Variants in RPS3 observed in about 807,000 individuals in gnomAD.
RPS3 encodes ribosomal protein S3.
Under a neutral mutation model 25.8 loss-of-function variants are expected in RPS3, and 2 were observed. The observed-to-expected ratio is 0.08, with a 90% CI of 0.03 to 0.24. The LOEUF (loss-of-function observed/expected upper bound fraction) is 0.24. RPS3 is among the 10% of genes least tolerant of loss of function. The pLI is 1.00. For missense variants in RPS3, 107 were observed against 307.1 expected, an observed-to-expected ratio of 0.35 and a Z score of 4.87; for synonymous variants, 114 against 114.2, an observed-to-expected ratio of 1.00 and a Z score of 0.01.
At chr11:75,420,600 A>C (rs115004148) in intron 6 of RPS3, among the ~76,000 whole-genome samples, 1,775 of 152,058 alleles carry the variant, frequency 0.012, 35 homozygotes, top group African/African-American at 0.041. Flanking sequence ...CTCATTTGTG[A>C]GGGGGCAGGC....
At position 75,405,787 on chromosome 11, in the gene RPS3, G is replaced by A; in HGVS notation, c.*177G>A. On this transcript the variant is annotated 3_prime_UTR_variant, in exon 7 of 7. Coordinates refer to ENST00000531188, the MANE Select transcript of RPS3 (RefSeq NM_001005.5). ...GGTTTTAACCATACTTGTGGTATTT[G>A]CAAGGGCCAGAACAGTAAGACCCAA... 1 of 381,440 alleles carries A rather than the reference G, an allele frequency of 2.6e-6. No homozygotes were observed. Among genetic ancestry groups the A allele is most frequent in the Non-Finnish European group, 5.2e-6 (1 of 192,790 alleles). 23.6% of individuals were successfully genotyped at this position (381,440 alleles called of 1,614,324 possible).
In RPS3 at chr11:75,406,583, G is replaced by A. The variant is rs1705352543; in HGVS notation, c.*973G>A. On this transcript the variant is annotated 3_prime_UTR_variant, in exon 7 of 7. Transcript: ENST00000531188. ...CACATGGTAAGGGCTTAATATTTGA[G>A]GTAATTATGTAGGGCGTACACTGAC... 1 of 152,134 alleles carries A rather than the reference G, an allele frequency of 6.6e-6. No individual in the cohort carries two copies. The highest frequency in any genetic ancestry group is 2.4e-5 in the African/African-American group (1 of 41,398). The allele number at this position is 152,134 out of a possible 1,614,324, so 9.4% of individuals were successfully genotyped here.
chr11:75,419,833 C>T (rs1183619968), intron 6 of RPS3, among the ~76,000 whole-genome samples: 1 of 152,130 alleles, frequency 6.6e-6, no homozygotes, highest in Admixed American at 6.6e-5. Flanking sequence ...GAGGTTTTGC[C>T]TTGTTAGCCA....
chr11:75,416,155 C>G (rs1384076643), intron 6 of RPS3, among the ~76,000 whole-genome samples: 1 of 152,182 alleles, frequency 6.6e-6, no homozygotes, highest in Non-Finnish European at 1.5e-5. Flanking sequence ...CCTCCCTGTT[C>G]CTCCCTTTGG....
At chr11:75,399,747 C>G in intron 1 of RPS3, 170 bp downstream of exon 1, 1 of 608,214 alleles carries the variant, frequency 1.6e-6, no homozygotes, top group Non-Finnish European at 2.9e-6. Flanking sequence ...AGGCCCCAGC[C>G]AGGAGGGCGC....
At chr11:75,414,559 T>C (rs997383590) in intron 6 of RPS3, among the ~76,000 whole-genome samples, 2 of 151,506 alleles carry the variant, frequency 1.3e-5, no homozygotes, top group African/African-American at 4.8e-5. Context: ...TGCAGTGAGC[T>C]GAGATCGCGC....
rs11546222 is a variant in RPS3 at position 75,404,793 on chromosome 11, C to G, written c.660C>G (p.Thr220=). ...AACCCAAAGATGAGATACTGCCCAC[C>G]ACCCCCATCTCAGAACAGAAGGGTG... ...IVEPKDEILP[T]TPISEQKGGK... Residue 220 remains threonine (T), a synonymous_variant, in exon 6 of 7, where the codon ACC becomes ACG. Coordinates refer to ENST00000531188, the MANE Select transcript of RPS3 (RefSeq NM_001005.5). The surrounding 1 kb of genome is among the most constrained non-coding windows in gnomAD (Gnocchi z 4.6). 1.5e-5 allele frequency: 24 copies of G among 1,613,774 alleles called. No individual in the cohort carries two copies. Among genetic ancestry groups the G allele is most frequent in the Non-Finnish European group, 1.9e-5 (22 of 1,179,990 alleles).
chr11:75,407,703 G>A (rs1172102293), downstream of RPS3, among the ~76,000 whole-genome samples: 1 of 152,026 alleles, frequency 6.6e-6, no homozygotes, highest in African/African-American at 2.4e-5. Context: ...ATCTGACCTC[G>A]TGATCCGCCT....
intron 6 of RPS3, among the ~76,000 whole-genome samples, chr11:75,413,526 G>C (rs1250015757): frequency 6.6e-6 from 1 of 152,178 alleles, no homozygotes; most frequent in Non-Finnish European, 1.5e-5. Flanking sequence ...AAAGTGCTGG[G>C]ATTACAGGCA....
At chr11:75,407,346 C>A (rs1213147202), downstream of RPS3, among the ~76,000 whole-genome samples, 1 of 152,104 alleles carries the variant, frequency 6.6e-6, no homozygotes, top group East Asian at 1.9e-4. Context: ...CCATGTTGGC[C>A]AGGCTGGTCT....
At chr11:75,399,891 C>T in intron 1 of RPS3, 2 of 493,720 alleles carry the variant, frequency 4.1e-6, no homozygotes, top group Non-Finnish European at 3.6e-6. Context: ...TGTGTCATTT[C>T]CCTCATGTCT....
intron 6 of RPS3, among the ~76,000 whole-genome samples, chr11:75,420,826 C>T (rs1948437109): frequency 6.6e-6 from 1 of 151,798 alleles, no homozygotes; most frequent in African/African-American, 2.4e-5. Context: ...GGAAGGGGCA[C>T]AAGGAGAAGA....
rs1425179407 is a variant in RPS3 at position 75,404,395 on chromosome 11, G to T, written c.538+188G>T. ...ATCTGTCAGATCCAAGAGTTGGTTT[G>T]TCCTTGTTTTAGCCATCTGTGTACC... On this transcript the variant is annotated intron_variant, in intron 5 of 6. Coordinates refer to ENST00000531188, the MANE Select transcript of RPS3 (RefSeq NM_001005.5). The surrounding 1 kb of genome is among the most constrained non-coding windows in gnomAD (Gnocchi z 4.6). 3.8e-6 allele frequency: 3 copies of T among 799,714 alleles called. No individual in the cohort carries two copies. In the African/African-American group the frequency reaches 5.1e-5, roughly 13 times the overall value. The allele number at this position is 799,714 out of a possible 1,614,324, so 49.5% of individuals were successfully genotyped here. A position where few individuals can be genotyped will look rare whatever the true frequency, so the allele number is the denominator to read the frequency against.
intron 4 of RPS3, chr11:75,403,571 G>T (rs542457035): frequency 6.5e-6 from 1 of 153,602 alleles, no homozygotes; most frequent in Non-Finnish European, 1.5e-5. Context: ...AGCTTTCCTA[G>T]TGAATGAGAC....
At chr11:75,402,501 T>C (rs1479029455) in intron 4 of RPS3, 55 bp downstream of exon 4, 2 of 1,535,990 alleles carry the variant, frequency 1.3e-6, no homozygotes, top group African/African-American at 2.7e-5. Flanking sequence ...AACATACATG[T>C]CTGCCATTTG....
Position 75,404,572 on chromosome 11 carries a change from G to T in RPS3, c.539-100G>T, listed in dbSNP as rs1948257267. On this transcript the variant is annotated intron_variant, in intron 5 of 6. Coordinates refer to ENST00000531188, the MANE Select transcript of RPS3 (RefSeq NM_001005.5). The surrounding 1 kb of genome is among the most constrained non-coding windows in gnomAD (Gnocchi z 4.6). ...GAGGCATTTGTCTGAGAAGGGTCCA[G>T]ACCCAGGGGTGCTTGAGTAAACTGC... 1 of 1,182,394 alleles carries T rather than the reference G, an allele frequency of 8.5e-7. No individual in the cohort carries two copies. The highest frequency in any genetic ancestry group is 1.5e-5 in the African/African-American group (1 of 66,630). 73.2% of individuals were successfully genotyped at this position (1,182,394 alleles called of 1,614,324 possible).
chr11:75,413,100 A>G (rs1948370567), intron 6 of RPS3, among the ~76,000 whole-genome samples: 1 of 152,030 alleles, frequency 6.6e-6, no homozygotes, highest in African/African-American at 2.4e-5. Flanking sequence ...GTGAAAATTA[A>G]CATGTGTTCC....
chr11:75,418,522 C>T (rs1485081083), intron 6 of RPS3, among the ~76,000 whole-genome samples: 1 of 152,022 alleles, frequency 6.6e-6, no homozygotes, highest in African/African-American at 2.4e-5. Flanking sequence ...AAATAAAGTA[C>T]AGGATGAAGT....
At chr11:75,414,399 C>T (rs1242192694) in intron 6 of RPS3, among the ~76,000 whole-genome samples, 1 of 152,182 alleles carries the variant, frequency 6.6e-6, no homozygotes, top group African/African-American at 2.4e-5. Flanking sequence ...ATCACGAGGT[C>T]AGGAGATTGA....
Sources: allele counts gnomAD v4.1 joint callset (sites outside exome capture counted in the v4.1 genomes callset), GRCh38; gene constraint gnomAD v4.1.1; non-coding constraint Gnocchi (gnomAD v3.1); transcripts MANE v1.5; gene names NCBI Gene and HGNC (gene_info 2026-07-23, HGNC 2026-07-21).